The following FAM124A variants were observed in gnomAD, a reference collection of about 807,000 sequenced individuals.
FAM124A encodes the protein protein FAM124A.
A neutral mutation model predicts 24.5 loss-of-function variants in FAM124A; 23 were observed. The observed-to-expected ratio is 0.94, with a 90% confidence interval of 0.68 to 1.33. The LOEUF is 1.33. Ranked by LOEUF, FAM124A falls within the 40% of genes most tolerant of loss-of-function variation. The probability of loss-of-function intolerance (pLI) is 0.00; values close to 1 mark genes in which losing one functional copy is unlikely to be tolerated. For synonymous variants in FAM124A, 287 were observed against 314.7 expected (o/e 0.91, Z 0.93); for missense variants, 623 against 722.8 (o/e 0.86, Z 1.58).
chr13:51,266,118 A>G (rs1954783595), intron 3 of FAM124A, among the ~76,000 whole-genome samples: 1 of 152,206 alleles, frequency 6.6e-6, no homozygotes, highest in South Asian at 2.1e-4. Flanking sequence ...AAGTTTTATA[A>G]TAAACATTGG....
intron 3 of FAM124A, among the ~76,000 whole-genome samples, chr13:51,253,951 C>A (rs879187547): frequency 2.0e-5 from 3 of 152,150 alleles, no homozygotes; most frequent in African/African-American, 7.2e-5. Flanking sequence ...ACCTCTCCCC[C>A]CAAGATTCTT....
chr13:51,223,111 C>T (rs1349961251), intron 1 of FAM124A, among the ~76,000 whole-genome samples: 2 of 152,118 alleles, frequency 1.3e-5, no homozygotes, highest in African/African-American at 2.4e-5. Flanking sequence ...TTCCTCACCT[C>T]TAAGTGCACC....
At chr13:51,233,227 AC>A (rs1954398468) in intron 2 of FAM124A, among the ~76,000 whole-genome samples, 1 of 151,990 alleles carries the variant, frequency 6.6e-6, no homozygotes, top group Admixed American at 6.6e-5. Context: ...ATCTGACTAC[AC>A]CGTTCTCAGC....
At chr13:51,267,990 C>A (rs1414566517) in intron 3 of FAM124A, among the ~76,000 whole-genome samples, 1 of 152,168 alleles carries the variant, frequency 6.6e-6, no homozygotes, top group African/African-American at 2.4e-5. Flanking sequence ...GGGGAGTGGT[C>A]AGAAGCTGTG....
At chr13:51,229,368 G>T (rs1242173340) in intron 1 of FAM124A, among the ~76,000 whole-genome samples, 1 of 152,222 alleles carries the variant, frequency 6.6e-6, no homozygotes, top group Admixed American at 6.5e-5. Context: ...CCAACCCGGT[G>T]GTGCCCTTAG....
chr13:51,269,249 A>G (rs1171406621), intron 3 of FAM124A, among the ~76,000 whole-genome samples: 2 of 152,232 alleles, frequency 1.3e-5, no homozygotes, highest in African/African-American at 4.8e-5. Flanking sequence ...AAAATTTAGA[A>G]TAGAAATAAT....
At chr13:51,270,347 A>G (rs1385395029) in intron 3 of FAM124A, among the ~76,000 whole-genome samples, 1 of 152,202 alleles carries the variant, frequency 6.6e-6, no homozygotes, top group African/African-American at 2.4e-5. Flanking sequence ...TTGAACATCT[A>G]TAAAGTTGTC....
chr13:51,262,342 A>G (rs572996018), intron 3 of FAM124A, among the ~76,000 whole-genome samples: 1 of 98,822 alleles, frequency 1.0e-5, no homozygotes, highest in Non-Finnish European at 2.0e-5. Context: ...ATTTTATTAG[A>G]AAGTAATAAA....
chr13:51,268,166 A>C (rs1954807160), intron 3 of FAM124A, among the ~76,000 whole-genome samples: 1 of 152,238 alleles, frequency 6.6e-6, no homozygotes, highest in African/African-American at 2.4e-5. Context: ...ACATCTCCCC[A>C]GTTCATTCAA....
rs767321784 is a variant in FAM124A at position 51,281,233 on chromosome 13, G to C, written c.1618G>C (p.Asp540His). The C allele has an allele frequency of 8.2e-6, 13 of 1,580,094 alleles. No individual in the cohort carries two copies. Among genetic ancestry groups the C allele is most frequent in the Non-Finnish European group, 1.1e-5 (13 of 1,165,760 alleles). ...AGGGTCGGCTGGCCCCGGGGATAAC[G>C]ACATGGAGGAATTCTACATCTGAAT... ...PPGSAGPGDN[D>H]MEEFYI is the part of the protein sequence containing the mutation. Residue 540 changes from aspartate to histidine, a missense_variant, in exon 4 of 4, where the codon GAC (aspartate) becomes CAC (histidine). Asp to His is a moderately conservative substitution (Grantham distance 81, BLOSUM62 -1). Coordinates refer to ENST00000322475, the MANE Select transcript of FAM124A (RefSeq NM_001242312.2).
chr13:51,246,316 C>T (rs924995990), intron 2 of FAM124A, among the ~76,000 whole-genome samples: 2 of 146,594 alleles, frequency 1.4e-5, no homozygotes, highest in African/African-American at 2.5e-5. Context: ...AGAGACTTTT[C>T]GTGGCAATTA....
intron 2 of FAM124A, among the ~76,000 whole-genome samples, chr13:51,233,163 G>GA (rs1198967097): frequency 6.6e-6 from 1 of 150,982 alleles, no homozygotes. Context: ...CCCTTAAGAA[G>GA]AAAAAAAAAG....
At chr13:51,239,847 G>T (rs368817872) in intron 2 of FAM124A, among the ~76,000 whole-genome samples, 5 of 152,122 alleles carry the variant, frequency 3.3e-5, no homozygotes, top group Non-Finnish European at 7.4e-5. Flanking sequence ...TAGATAGTAG[G>T]TTTTTTAAAC....
At chr13:51,250,887 G>A (rs1954613035) in intron 2 of FAM124A, among the ~76,000 whole-genome samples, 2 of 152,216 alleles carry the variant, frequency 1.3e-5, no homozygotes, top group South Asian at 4.1e-4. Context: ...AAGCCCCAGG[G>A]GGCAAGCACA....
intron 1 of FAM124A, chr13:51,225,145 T>C (rs1397530646): frequency 1.3e-5 from 2 of 152,180 alleles, no homozygotes; most frequent in Non-Finnish European, 2.9e-5. Context: ...TGGTGATCTA[T>C]TCCAAACCAA....
chr13:51,229,262 TGA>T (rs1175873802), intron 1 of FAM124A, among the ~76,000 whole-genome samples: 1 of 152,210 alleles, frequency 6.6e-6, no homozygotes, highest in Non-Finnish European at 1.5e-5. Flanking sequence ...GAGAGAGACA[TGA>T]TCAGATTTAT....
intron 2 of FAM124A, among the ~76,000 whole-genome samples, chr13:51,242,328 G>C (rs1283061972): frequency 1.3e-5 from 2 of 152,148 alleles, no homozygotes; most frequent in Non-Finnish European, 1.5e-5. Flanking sequence ...GCCTCTTCAG[G>C]CATTTTGAAC....
intron 2 of FAM124A, among the ~76,000 whole-genome samples, chr13:51,236,509 T>C (rs1954436511): frequency 6.6e-6 from 1 of 152,232 alleles, no homozygotes; most frequent in Non-Finnish European, 1.5e-5. Flanking sequence ...ATGAGCTCAT[T>C]GTGATATAAT....
chr13:51,247,569 C>T (rs1413602073), intron 2 of FAM124A, among the ~76,000 whole-genome samples: 1 of 152,148 alleles, frequency 6.6e-6, no homozygotes, highest in Non-Finnish European at 1.5e-5. Context: ...TCCTGGTGGC[C>T]CAGGCAGCTT....
Sources: gnomAD v4.1 joint callset for allele counts (sites outside exome capture counted in the v4.1 genomes callset) on GRCh38, gnomAD v4.1.1 for gene constraint, MANE v1.5 for transcripts, NCBI Gene and HGNC (gene_info 2026-07-23, HGNC 2026-07-21) for gene names.